L3MBTL1: variants seen among roughly 807,000 people sequenced by gnomAD.
L3MBTL1 encodes the protein lethal(3)malignant brain tumor-like protein 1.
A neutral mutation model predicts 105.3 loss-of-function variants in L3MBTL1; 75 were observed. That is an observed-to-expected ratio of 0.71 (90% CI 0.59 to 0.86). The LOEUF is 0.86. Among genes scored for constraint, L3MBTL1 ranks in the 40% least tolerant of loss-of-function variants. The probability of loss-of-function intolerance (pLI) is 0.00; values close to 1 mark genes in which losing one functional copy is unlikely to be tolerated. For synonymous variants in L3MBTL1, 452 were observed against 436.2 expected, an observed-to-expected ratio of 1.04 and a Z score of -0.45; for missense variants, 1,069 against 1,126.4, an observed-to-expected ratio of 0.95 and a Z score of 0.73.
chr20:43,537,406 C>G (rs1164106965), intron 19 of L3MBTL1, among the ~76,000 whole-genome samples: 1 of 152,210 alleles, frequency 6.6e-6, no homozygotes, highest in East Asian at 1.9e-4. Context: ...CACAAGCATT[C>G]CTGGGGTCCC....
At chr20:43,531,881 T>G (rs1184831590) in intron 11 of L3MBTL1, 2 of 151,868 alleles carry the variant, frequency 1.3e-5, no homozygotes, top group Non-Finnish European at 2.9e-5. Flanking sequence ...TGTCATTAAA[T>G]TATTAGCTGG....
At chr20:43,534,979 C>T (rs1165959387) in intron 16 of L3MBTL1, 37 bp downstream of exon 16, 1 of 1,429,850 alleles carries the variant, frequency 7.0e-7, no homozygotes, top group South Asian at 1.2e-5. Context: ...TTTTCCTTTC[C>T]CCCCAGGTTC....
downstream of L3MBTL1, among the ~76,000 whole-genome samples, chr20:43,544,369 G>T (rs144859997): frequency 2.0e-5 from 3 of 152,182 alleles, no homozygotes; most frequent in Admixed American, 2.0e-4. Flanking sequence ...GTTGCTTAGG[G>T]TGGATTATTG....
At chr20:43,536,492 C>T (rs765816902) in intron 19 of L3MBTL1, 34 bp downstream of exon 19, 48 of 1,609,364 alleles carry the variant, frequency 3.0e-5, no homozygotes, top group Non-Finnish European at 3.8e-5. Context: ...ATGTCCTCCA[C>T]CACAGAGTGT....
downstream of L3MBTL1, among the ~76,000 whole-genome samples, chr20:43,542,717 A>G (rs1303031996): frequency 6.6e-6 from 1 of 151,714 alleles, no homozygotes; most frequent in Non-Finnish European, 1.5e-5. Context: ...AAAGACAACC[A>G]CTTTTCTAAT....
chr20:43,512,905 A>G (rs1183431210), intron 1 of L3MBTL1, among the ~76,000 whole-genome samples: 1 of 152,256 alleles, frequency 6.6e-6, no homozygotes, highest in African/African-American at 2.4e-5. Flanking sequence ...ACATTTGTTC[A>G]GCAGATGCTT....
chr20:43,535,138 C>A (rs901647600), intron 16 of L3MBTL1, among the ~76,000 whole-genome samples, 196 bp downstream of exon 16: 1 of 152,152 alleles, frequency 6.6e-6, no homozygotes, highest in Non-Finnish European at 1.5e-5. Flanking sequence ...CTGGCTACCC[C>A]AGTTGTCGGG....
At chr20:43,514,578 G>A in intron 3 of L3MBTL1, 57 bp from the exon 4 acceptor site, 1 of 1,597,780 alleles carries the variant, frequency 6.3e-7, no homozygotes, top group Non-Finnish European at 8.5e-7. Context: ...CACCGACTCC[G>A]AGATGGGTCA....
At chr20:43,510,803 G>T (rs2018116231) in intron 1 of L3MBTL1, among the ~76,000 whole-genome samples, 2 of 143,128 alleles carry the variant, frequency 1.4e-5, no homozygotes, top group Non-Finnish European at 3.1e-5. Flanking sequence ...CTGCAGCCTT[G>T]ACCTCCCGGG....
In L3MBTL1 at chr20:43,530,881, C is replaced by T; in HGVS notation, c.1276C>T (p.Gln426Ter). ...QAAPKHLFVS[Q>*]SHSPPPLGFQ... The stretch of plus-strand genomic sequence containing the variant: ...TGCCCCCAAGCACCTGTTTGTGAGC[C>T]AGAGCCACGTGAGTGCCCCTGAGTG... Residue 426 changes from glutamine to a stop codon, truncating the protein, a stop_gained, in exon 11 of 22, where the codon CAG becomes TAG. Transcript: ENST00000418998. LOFTEE classifies it high-confidence loss of function. 6.2e-7 allele frequency: 1 copy of T among 1,613,518 alleles called. No homozygotes were observed. Among genetic ancestry groups the T allele is most frequent in the African/African-American group, 1.3e-5 (1 of 75,046 alleles).
At chr20:43,547,162 T>C (rs890545748) in intron 18 of L3MBTL1, among the ~76,000 whole-genome samples, 21 of 148,470 alleles carry the variant, frequency 1.4e-4, no homozygotes, top group Admixed American at 4.1e-4. Flanking sequence ...TGGAGTGCAG[T>C]GGCGCGATCT....
intron 7 of L3MBTL1, among the ~76,000 whole-genome samples, chr20:43,528,088 T>C (rs1015863691): frequency 2.6e-5 from 4 of 152,146 alleles, no homozygotes; most frequent in Non-Finnish European, 4.4e-5. Flanking sequence ...AGACGGGGTT[T>C]CACCATGTTG....
rs755179991 is a variant in L3MBTL1, at chr20:43,516,150, A to G, written c.835A>G (p.Ser279Gly). The change falls in exon 7 of 22, where the codon AGT becomes GGT. Residue 279 changes from serine (S) to glycine (G), a missense_variant. Coordinates refer to ENST00000418998, the MANE Select transcript of L3MBTL1 (RefSeq NM_001377303.1). ...ACAACCCACTGCTAGCACCCCAGAGAGTGAGGAGTGGAGCAGCAGCCAGCC... is the reference window on the plus strand; with the variant it reads ...ACAACCCACTGCTAGCACCCCAGAGGGTGAGGAGTGGAGCAGCAGCCAGCC... ...EGQPTASTPE[S>G]EEWSSSQPAT... The G allele has an allele frequency of 1.9e-6, 3 of 1,614,008 alleles. No homozygotes were observed. Among genetic ancestry groups the G allele is most frequent in the African/African-American group, 2.7e-5 (2 of 75,038 alleles).
chr20:43,540,647 A>T, intron 20 of L3MBTL1, 106 bp from the exon 21 acceptor site: 1 of 1,099,440 alleles, frequency 9.1e-7, no homozygotes, highest in Non-Finnish European at 1.3e-6. Flanking sequence ...GCTGGTGAGA[A>T]AAAGCAGCAT....
Position 43,536,283 on chromosome 20 carries a change from C to A in L3MBTL1, c.2112C>A (p.Arg704=), listed in dbSNP as rs769862105. ...GCTTCTCCCCAAGGAAGAAGCCTCG[C>A]CATCACGGCCGGTATGGAGGCCAGG... is the stretch of plus-strand genomic sequence containing the variant. ...LSGFSPRKKP[R]HHGRIGRPPK... Residue 704 remains arginine, a synonymous_variant, in exon 18 of 22, where the codon CGC becomes CGA. Coordinates refer to ENST00000418998, the MANE Select transcript of L3MBTL1 (RefSeq NM_001377303.1). The A allele has an allele frequency of 3.1e-6, 5 of 1,612,728 alleles. No homozygotes were observed. In the South Asian group the frequency reaches 5.5e-5, roughly 18 times the overall value.
At chr20:43,524,813 G>GA (rs1261356661) in intron 7 of L3MBTL1, among the ~76,000 whole-genome samples, 4 of 152,180 alleles carry the variant, frequency 2.6e-5, no homozygotes, top group Non-Finnish European at 2.9e-5. Flanking sequence ...CAGGGGCATG[G>GA]AAATGCATGA....
chr20:43,537,241 G>C (rs1047965593), intron 19 of L3MBTL1, among the ~76,000 whole-genome samples: 4 of 152,194 alleles, frequency 2.6e-5, no homozygotes, highest in Non-Finnish European at 5.9e-5. Flanking sequence ...ACCATAGACT[G>C]GGTGGCTTAC....
At chr20:43,521,962 A>G (rs1427512460) in intron 7 of L3MBTL1, among the ~76,000 whole-genome samples, 1 of 152,252 alleles carries the variant, frequency 6.6e-6, no homozygotes, top group African/African-American at 2.4e-5. Flanking sequence ...CCTAAATATC[A>G]TAAGAGATTT....
chr20:43,534,785 C>A, intron 15 of L3MBTL1, 43 bp from the exon 16 acceptor site: 1 of 1,439,998 alleles, frequency 6.9e-7, no homozygotes, highest in Non-Finnish European at 9.7e-7. Context: ...CTGAGCTGGG[C>A]TCCATGAGAA....
Sources: gnomAD v4.1 joint callset for allele counts (sites outside exome capture counted in the v4.1 genomes callset) on GRCh38, gnomAD v4.1.1 for gene constraint, MANE v1.5 for transcripts, NCBI Gene and HGNC (gene_info 2026-07-23, HGNC 2026-07-21) for gene names.